HYCC1: variants seen among roughly 807,000 people sequenced by gnomAD.
HYCC1 encodes the protein hyccin.
chr7:22,931,477 A>G, the HYCC1 span, among the ~76,000 whole-genome samples: 4 of 152,182 alleles, frequency 2.6e-5, no homozygotes, highest in African/African-American at 9.6e-5. Flanking sequence ...GCCATAACAA[A>G]TATCTGAAAT....
chr7:22,902,636 AT>A, the HYCC1 span, among the ~76,000 whole-genome samples: 1 of 151,834 alleles, frequency 6.6e-6, no homozygotes. Context: ...ATATATGGTT[AT>A]TTTTTTTAAA....
chr7:22,934,237 C>CTTTTTTTTTTT, the HYCC1 span: 1 of 117,702 alleles, frequency 8.5e-6, no homozygotes, highest in East Asian at 2.6e-4. Flanking sequence ...TTTTTTTTCC[C>CTTTTTTTTTTT]TCTCTGAGCA....
At chr7:23,012,358 C>T in the HYCC1 span, among the ~76,000 whole-genome samples, 5 of 152,312 alleles carry the variant, frequency 3.3e-5, no homozygotes, top group South Asian at 4.1e-4. Context: ...CAAGGATAAA[C>T]GCTGACCCAG....
the HYCC1 span, among the ~76,000 whole-genome samples, chr7:22,962,980 G>A: frequency 6.6e-6 from 1 of 152,082 alleles, no homozygotes; most frequent in Non-Finnish European, 1.5e-5. Context: ...AGCACTAGAG[G>A]AATTTGAAGT....
At chr7:22,930,108 T>C in the HYCC1 span, among the ~76,000 whole-genome samples, 230 of 143,036 alleles carry the variant, frequency 1.6e-3, no homozygotes, top group Middle Eastern at 0.023. Context: ...AACCAAACAC[T>C]GCATGTTCTC....
the HYCC1 span, among the ~76,000 whole-genome samples, chr7:22,969,324 G>T: frequency 1.3e-5 from 2 of 151,806 alleles, no homozygotes; most frequent in South Asian, 4.2e-4. Context: ...TATTTTGTGT[G>T]TGTGTGTGTG....
At chr7:22,952,745 T>C in the HYCC1 span, among the ~76,000 whole-genome samples, 6 of 151,938 alleles carry the variant, frequency 3.9e-5, no homozygotes, top group Non-Finnish European at 7.4e-5. Flanking sequence ...AGAATAGCAC[T>C]GTGGCAATGC....
chr7:22,990,835 G>C, the HYCC1 span, among the ~76,000 whole-genome samples: 1 of 151,994 alleles, frequency 6.6e-6, no homozygotes, highest in Non-Finnish European at 1.5e-5. Flanking sequence ...ATGAAAGAAA[G>C]AAAATAAACA....
the HYCC1 span, among the ~76,000 whole-genome samples, chr7:22,994,020 A>C: frequency 6.6e-6 from 1 of 152,012 alleles, no homozygotes; most frequent in East Asian, 1.9e-4. Context: ...TCACTCTGTT[A>C]CCCGGGCTAG....
At chr7:22,897,092 G>C in the HYCC1 span, among the ~76,000 whole-genome samples, 2 of 152,200 alleles carry the variant, frequency 1.3e-5, no homozygotes, top group Non-Finnish European at 2.9e-5. Context: ...CATGAGGTCT[G>C]AGCAGAGACC....
chr7:22,899,167 G>A, the HYCC1 span, among the ~76,000 whole-genome samples: 3 of 152,138 alleles, frequency 2.0e-5, no homozygotes, highest in Admixed American at 6.5e-5. Flanking sequence ...GGCAGTGCTG[G>A]CACTTTGAGT....
At chr7:22,896,143 T>A in the HYCC1 span, among the ~76,000 whole-genome samples, 1 of 152,226 alleles carries the variant, frequency 6.6e-6, no homozygotes, top group Non-Finnish European at 1.5e-5. Flanking sequence ...AAGCCATTTT[T>A]AAAATTGTAT....
At chr7:22,936,148 G>A in the HYCC1 span, 5 of 151,820 alleles carry the variant, frequency 3.3e-5, no homozygotes, top group Non-Finnish European at 5.9e-5. Flanking sequence ...GCACACACAA[G>A]CATGGTGCTT....
At chr7:22,951,300 T>A in the HYCC1 span, among the ~76,000 whole-genome samples, 2 of 151,922 alleles carry the variant, frequency 1.3e-5, no homozygotes, top group African/African-American at 2.4e-5. Context: ...GTGAGAATTT[T>A]AATAAAAGAA....
chr7:22,948,324 G>A, the HYCC1 span, among the ~76,000 whole-genome samples: 1 of 152,040 alleles, frequency 6.6e-6, no homozygotes, highest in African/African-American at 2.4e-5. Flanking sequence ...CACTAATGAT[G>A]CTAAAGGCTG....
the HYCC1 span, among the ~76,000 whole-genome samples, chr7:22,952,342 T>C: frequency 1.3e-5 from 2 of 152,098 alleles, no homozygotes; most frequent in East Asian, 3.9e-4. Context: ...GTTTGAATGA[T>C]GAAAAACTGC....
chr7:22,935,941 G>T, the HYCC1 span: 1 of 149,572 alleles, frequency 6.7e-6, no homozygotes, highest in African/African-American at 2.5e-5. Context: ...AAGCCACTGC[G>T]CCTGGCCTAG....
the HYCC1 span, chr7:22,964,280 A>G: frequency 1.5e-6 from 1 of 659,904 alleles, no homozygotes; most frequent in Admixed American, 2.6e-5. Context: ...TAAAACTATT[A>G]TCAAGATCTT....
the HYCC1 span, among the ~76,000 whole-genome samples, chr7:22,932,060 C>T: frequency 2.0e-5 from 3 of 152,112 alleles, no homozygotes; most frequent in African/African-American, 7.2e-5. Context: ...GGAGAGAACA[C>T]CAAAGGCGTG....
Sources: allele counts gnomAD v4.1 joint callset (sites outside exome capture counted in the v4.1 genomes callset), GRCh38; gene constraint gnomAD v4.1.1; transcripts MANE v1.5; gene names NCBI Gene and HGNC (gene_info 2026-07-23, HGNC 2026-07-21).